The following CASD1 variants were observed in gnomAD, a reference collection of about 807,000 sequenced individuals.
CASD1 encodes the protein N-acetylneuraminate (7)9-O-acetyltransferase.
A neutral mutation model predicts 100.0 loss-of-function variants in CASD1; 41 were observed. The observed-to-expected ratio is 0.41, with a 90% CI of 0.32 to 0.53. The LOEUF (loss-of-function observed/expected upper bound fraction) is 0.53. CASD1 is among the 20% of genes least tolerant of loss of function. The probability of loss-of-function intolerance (pLI) is 0.25; values close to 1 mark genes in which losing one functional copy is unlikely to be tolerated. For synonymous variants in CASD1, 321 were observed against 315.6 expected, an observed-to-expected ratio of 1.02 and a Z score of -0.18; for missense variants, 774 against 948.7, an observed-to-expected ratio of 0.82 and a Z score of 2.42.
the CASD1 span, chr7:94,590,428 A>T: frequency 6.6e-6 from 1 of 152,186 alleles, no homozygotes; most frequent in Non-Finnish European, 1.5e-5. Context: ...TATATTAAGA[A>T]TAAGAACCAT....
chr7:94,627,470 C>G, the CASD1 span: 1 of 152,028 alleles, frequency 6.6e-6, no homozygotes, highest in Non-Finnish European at 1.5e-5. Flanking sequence ...CCTCAAAGAT[C>G]TGCCCCTACC....
At chr7:94,511,880 A>G (rs1042471175) in intron 1 of CASD1, among the ~76,000 whole-genome samples, 12 of 152,186 alleles carry the variant, frequency 7.9e-5, no homozygotes, top group African/African-American at 2.9e-4. Flanking sequence ...TCAGATGGGG[A>G]CTTATGAGTC....
At chr7:94,618,918 T>G in the CASD1 span, 2 of 1,613,862 alleles carry the variant, frequency 1.2e-6, no homozygotes, top group Admixed American at 1.7e-5. Flanking sequence ...ACATTCATAT[T>G]CTTAATGAAG....
chr7:94,528,859 A>C (rs1334415782), intron 5 of CASD1, among the ~76,000 whole-genome samples: 1 of 152,124 alleles, frequency 6.6e-6, no homozygotes, highest in Non-Finnish European at 1.5e-5. Flanking sequence ...TCTTTCCCAG[A>C]GACATTTGTA....
At chr7:94,600,534 A>G in the CASD1 span, 2 of 758,058 alleles carry the variant, frequency 2.6e-6, no homozygotes, top group South Asian at 3.2e-5. Context: ...CACAATTTCA[A>G]TTCATTTACA....
At chr7:94,598,547 G>A in the CASD1 span, 6 of 531,540 alleles carry the variant, frequency 1.1e-5, no homozygotes, top group Non-Finnish European at 2.0e-5. Flanking sequence ...TAAATATTAA[G>A]GTATATGTAG....
chr7:94,599,767 A>AT, the CASD1 span: 1 of 1,312,146 alleles, frequency 7.6e-7, no homozygotes, highest in Non-Finnish European at 1.1e-6. Flanking sequence ...TAGCATTGAT[A>AT]TTTGGAACAT....
chr7:94,568,960 A>G, the CASD1 span, among the ~76,000 whole-genome samples: 3 of 152,192 alleles, frequency 2.0e-5, no homozygotes, highest in African/African-American at 7.2e-5. Flanking sequence ...AGTCTCTGGT[A>G]TATATTATAG....
chr7:94,602,037 G>A, the CASD1 span, among the ~76,000 whole-genome samples: 1 of 151,972 alleles, frequency 6.6e-6, no homozygotes, highest in South Asian at 2.1e-4. Context: ...AATCTTCAAG[G>A]AGTATATCAT....
chr7:94,630,876 C>CTTGGATA, the CASD1 span, among the ~76,000 whole-genome samples: 2 of 151,910 alleles, frequency 1.3e-5, no homozygotes, highest in Non-Finnish European at 2.9e-5. Flanking sequence ...TACTAAAAGC[C>CTTGGATA]TTGGATAGCA....
At chr7:94,624,123 TA>T in the CASD1 span, 7 of 385,466 alleles carry the variant, frequency 1.8e-5, no homozygotes, top group Non-Finnish European at 3.2e-5. Context: ...TTTAACTTTA[TA>T]ACAGATATTA....
At position 94,535,421 on chromosome 7, in the gene CASD1, T is replaced by G; in HGVS notation, c.741T>G (p.Ser247=). Residue 247 remains serine, a synonymous_variant, in exon 8 of 18, where the codon TCT becomes TCG. Transcript: ENST00000297273. ...VSILNSSTRN[S]KSNVKMFSVS... is the part of the protein sequence containing the mutation. ...TTTTGAATAGTAGCACCAGAAATTCTAAATCAAATGTTAAGATGTTCAGTG... is the reference window on the plus strand; with the variant it reads ...TTTTGAATAGTAGCACCAGAAATTCGAAATCAAATGTTAAGATGTTCAGTG... 1 of 1,613,398 alleles carries G rather than the reference T, an allele frequency of 6.2e-7. No individual in the cohort carries two copies. The highest frequency in any genetic ancestry group is 8.5e-7 in the Non-Finnish European group (1 of 1,179,496).
chr7:94,547,496 G>C (rs1408557037), intron 13 of CASD1, among the ~76,000 whole-genome samples: 1 of 151,786 alleles, frequency 6.6e-6, no homozygotes, highest in Non-Finnish European at 1.5e-5. Flanking sequence ...AAATTTTCTT[G>C]ACAGAATTTG....
the CASD1 span, among the ~76,000 whole-genome samples, chr7:94,615,834 C>G: frequency 9.2e-5 from 14 of 152,166 alleles, no homozygotes; most frequent in Non-Finnish European, 4.4e-5. Context: ...GAAATATGAA[C>G]CTGCTCTTCT....
the CASD1 span, among the ~76,000 whole-genome samples, chr7:94,615,838 CTCT>C: frequency 6.6e-6 from 1 of 152,192 alleles, no homozygotes. Context: ...TATGAACCTG[CTCT>C]TCTTCCCACC....
the CASD1 span, among the ~76,000 whole-genome samples, chr7:94,592,532 T>C: frequency 6.6e-6 from 1 of 152,184 alleles, no homozygotes; most frequent in Non-Finnish European, 1.5e-5. Flanking sequence ...ACTAAATTAT[T>C]AGCATTAATT....
chr7:94,562,211 A>G, the CASD1 span, among the ~76,000 whole-genome samples: 1,622 of 152,320 alleles, frequency 0.011, 28 homozygotes, highest in African/African-American at 0.037. Flanking sequence ...TGCTCCATCT[A>G]GAAAACAGGG....
the CASD1 span, among the ~76,000 whole-genome samples, chr7:94,575,065 T>C: frequency 6.6e-6 from 1 of 152,166 alleles, no homozygotes; most frequent in Non-Finnish European, 1.5e-5. Context: ...GCTCTAATTT[T>C]GGTTATTTCT....
chr7:94,544,697 A>ATCT (rs1795591615), intron 11 of CASD1, among the ~76,000 whole-genome samples, 167 bp downstream of exon 11: 1 of 152,140 alleles, frequency 6.6e-6, no homozygotes, highest in Non-Finnish European at 1.5e-5. Context: ...GTATTTCAAG[A>ATCT]TAAATTATTA....
Sources: gnomAD v4.1 joint callset for allele counts (sites outside exome capture counted in the v4.1 genomes callset) on GRCh38, gnomAD v4.1.1 for gene constraint, MANE v1.5 for transcripts, NCBI Gene and HGNC (gene_info 2026-07-23, HGNC 2026-07-21) for gene names.